DPP10: variants seen among roughly 807,000 people sequenced by gnomAD.
DPP10 encodes the protein inactive dipeptidyl peptidase 10.
DPP10 carries 33 observed loss-of-function variants against 120.9 expected under a neutral mutation model. That is an observed-to-expected ratio of 0.27 (90% CI 0.21 to 0.37). The LOEUF is 0.37. Ranked by LOEUF, DPP10 falls within the 10% of genes least tolerant of loss-of-function variation. The pLI is 1.00. For missense variants in DPP10, 816 were observed against 942.8 expected, an observed-to-expected ratio of 0.87 and a Z score of 1.76; for synonymous variants, 337 against 326.1, an observed-to-expected ratio of 1.03 and a Z score of -0.36.
chr2:115,611,588 G>T (rs1331182004), intron 5 of DPP10, among the ~76,000 whole-genome samples: 1 of 152,124 alleles, frequency 6.6e-6, no homozygotes, highest in Non-Finnish European at 1.5e-5. Flanking sequence ...AATATGTATG[G>T]TTCTGGATTT....
chr2:115,263,649 CTG>C (rs1227550139), intron 1 of DPP10, among the ~76,000 whole-genome samples: 1 of 152,152 alleles, frequency 6.6e-6, no homozygotes. Flanking sequence ...GCTAGGTAAG[CTG>C]TTTCAAAGGC....
intron 1 of DPP10, among the ~76,000 whole-genome samples, chr2:115,079,992 C>T (rs1428524668): frequency 6.6e-6 from 1 of 152,124 alleles, no homozygotes; most frequent in Non-Finnish European, 1.5e-5. Flanking sequence ...GGGTCAGAGG[C>T]TATGCTATAT....
intron 1 of DPP10, among the ~76,000 whole-genome samples, chr2:115,225,512 C>CGTGT (rs967448797): frequency 3.9e-4 from 52 of 133,518 alleles, no homozygotes; most frequent in Non-Finnish European, 2.9e-4. Context: ...TGTGTGTGTG[C>CGTGT]GTGTGTGTGT....
intron 4 of DPP10, among the ~76,000 whole-genome samples, chr2:115,506,770 G>GC (rs909870648): frequency 6.6e-6 from 1 of 151,940 alleles, no homozygotes; most frequent in Non-Finnish European, 1.5e-5. Flanking sequence ...CAATCAACCA[G>GC]TCTATCCATT....
chr2:115,112,849 G>A (rs2104690238), intron 1 of DPP10, among the ~76,000 whole-genome samples: 1 of 152,226 alleles, frequency 6.6e-6, no homozygotes, highest in Non-Finnish European at 1.5e-5. Flanking sequence ...ATGAATACAA[G>A]TGCTTGCTTT....
chr2:114,802,471 T>C (rs1684335066), intron 1 of DPP10, among the ~76,000 whole-genome samples: 1 of 152,196 alleles, frequency 6.6e-6, no homozygotes, highest in Admixed American at 6.5e-5. Context: ...ACTTCATTAG[T>C]AGGATTCTAT....
intron 5 of DPP10, among the ~76,000 whole-genome samples, chr2:115,629,753 T>C (rs937742040): frequency 6.6e-6 from 1 of 152,192 alleles, no homozygotes; most frequent in Non-Finnish European, 1.5e-5. Flanking sequence ...CTCTGTTCCA[T>C]TGGTCTATAT....
At chr2:115,286,501 TATTACATATATAATATATATATATAA>T (rs1243010924) in intron 1 of DPP10, among the ~76,000 whole-genome samples, 1 of 53,256 alleles carries the variant, frequency 1.9e-5, no homozygotes, top group Admixed American at 2.6e-4. Flanking sequence ...AATATATATA[TATTACATATATAATATATATATATAA>T]TATATATATA....
intron 1 of DPP10, among the ~76,000 whole-genome samples, chr2:114,618,106 A>G (rs972440061): frequency 4.6e-5 from 7 of 152,136 alleles, no homozygotes; most frequent in African/African-American, 1.7e-4. Flanking sequence ...AAAGGAGAAC[A>G]TTATGACTTA....
intron 3 of DPP10, among the ~76,000 whole-genome samples, chr2:115,381,304 C>G (rs1285601997): frequency 6.6e-6 from 1 of 152,122 alleles, no homozygotes; most frequent in Non-Finnish European, 1.5e-5. Flanking sequence ...TCATTCATTT[C>G]ATCTTCCATC....
At chr2:114,785,458 C>A (rs756317175) in intron 1 of DPP10, among the ~76,000 whole-genome samples, 18 of 152,134 alleles carry the variant, frequency 1.2e-4, no homozygotes, top group Middle Eastern at 3.4e-3. Flanking sequence ...GTGGAAAGAA[C>A]CTGGTTTATG....
intron 1 of DPP10, among the ~76,000 whole-genome samples, chr2:114,541,519 T>C (rs1686953503): frequency 6.6e-6 from 1 of 152,182 alleles, no homozygotes; most frequent in African/African-American, 2.4e-5. Flanking sequence ...TACAAATGAA[T>C]CATCAGATCT....
chr2:115,124,239 G>A (rs1457956649), intron 1 of DPP10, among the ~76,000 whole-genome samples: 1 of 152,112 alleles, frequency 6.6e-6, no homozygotes, highest in Non-Finnish European at 1.5e-5. Flanking sequence ...ATCATGCTCA[G>A]CCTGACTATG....
intron 1 of DPP10, among the ~76,000 whole-genome samples, chr2:115,127,086 G>A (rs2050118930): frequency 6.6e-6 from 1 of 152,208 alleles, no homozygotes; most frequent in Middle Eastern, 3.4e-3. Context: ...CATTACTCTT[G>A]GGCTGTAAGA....
At position 114,644,861 on chromosome 2, in the gene DPP10, C is replaced by T. The variant is rs145597533; in HGVS notation, c.60+202023C>T. The stretch of plus-strand genomic sequence containing the variant: ...ATTTATCATTTCAGATCTTTCTGAT[C>T]GAGTGGGTAAAAAAAGATACTGGAC... On this transcript the variant is annotated intron_variant, in intron 1 of 25. Transcript: ENST00000410059. Among the ~76,000 whole-genome samples the T allele has an allele frequency of 7.9e-4, 120 of 151,892 alleles. 3 individuals carry two copies. The highest frequency in any genetic ancestry group is 2.8e-3 in the African/African-American group (114 of 41,232).
At chr2:114,571,124 C>A (rs1364082733) in intron 1 of DPP10, among the ~76,000 whole-genome samples, 2 of 151,968 alleles carry the variant, frequency 1.3e-5, no homozygotes, top group Non-Finnish European at 2.9e-5. Flanking sequence ...GATTCGTGCC[C>A]CCACCCAAAT....
rs1437969665 is a variant in DPP10, at chr2:115,842,131, A to C, written c.2257-80A>C. The C allele has an allele frequency of 2.2e-6, 3 of 1,393,412 alleles. No homozygotes were observed. The East Asian group carries it at 7.2e-5, about 34-fold the overall frequency. The allele number at this position is 1,393,412 out of a possible 1,614,324, so 86.3% of individuals were successfully genotyped here. A position where few individuals can be genotyped will look rare whatever the true frequency, so the allele number is the denominator to read the frequency against. Reference sequence around the variant, plus strand: ...GATATTATTACTCAAAGTTTCCATGACGTTAGGGCTCAGAAAATGAATGCG... The same window carrying C: ...GATATTATTACTCAAAGTTTCCATGCCGTTAGGGCTCAGAAAATGAATGCG... On this transcript the variant is annotated intron_variant, in intron 25 of 25. Transcript: ENST00000410059.
intron 5 of DPP10, among the ~76,000 whole-genome samples, chr2:115,640,160 T>G (rs2086663241): frequency 1.3e-5 from 2 of 152,120 alleles, no homozygotes; most frequent in Non-Finnish European, 2.9e-5. Context: ...CATTCATCAG[T>G]GAGACCCCTC....
chr2:115,541,860 T>C (rs750453282), intron 5 of DPP10, among the ~76,000 whole-genome samples: 1 of 151,918 alleles, frequency 6.6e-6, no homozygotes, highest in Non-Finnish European at 1.5e-5. Context: ...CGTAGCATGT[T>C]ACATGGTGGT....
Sources: gnomAD v4.1 joint callset for allele counts (sites outside exome capture counted in the v4.1 genomes callset) on GRCh38, gnomAD v4.1.1 for gene constraint, MANE v1.5 for transcripts, NCBI Gene and HGNC (gene_info 2026-07-23, HGNC 2026-07-21) for gene names.